Variants in LRIG1 observed in about 807,000 individuals in gnomAD.
LRIG1 encodes leucine-rich repeats and immunoglobulin-like domains protein 1.
In LRIG1, 48 loss-of-function variants were observed where a neutral mutation model predicts 99.2. That is an observed-to-expected ratio of 0.48 (90% CI 0.38 to 0.62). The LOEUF is 0.62. Ranked by LOEUF, LRIG1 falls within the 20% of genes least tolerant of loss-of-function variation. The pLI, the probability that LRIG1 is intolerant of heterozygous loss-of-function variation, is 0.00. For synonymous variants in LRIG1, 772 were observed against 596.1 expected (o/e 1.29, Z -4.30); for missense variants, 1,646 against 1,434.4 (o/e 1.15, Z -2.38).
At chr3:66,417,337 G>A in intron 3 of LRIG1, 71 bp from the exon 4 acceptor site, 1 of 1,480,152 alleles carries the variant, frequency 6.8e-7, no homozygotes, top group Non-Finnish European at 9.3e-7. Context: ...TAGTATTCCT[G>A]CACCCCACCC....
At chr3:66,389,242 AAAC>A (rs1701521208) in intron 12 of LRIG1, among the ~76,000 whole-genome samples, 1 of 152,222 alleles carries the variant, frequency 6.6e-6, no homozygotes, top group African/African-American at 2.4e-5. Flanking sequence ...TGTATTTAAA[AAAC>A]AGGGAATTAA....
intron 3 of LRIG1, among the ~76,000 whole-genome samples, chr3:66,426,482 C>T (rs979128170): frequency 1.3e-5 from 2 of 152,204 alleles, no homozygotes; most frequent in Non-Finnish European, 2.9e-5. Context: ...ATAAATCACT[C>T]TTTCTCTACC....
chr3:66,390,914 T>C (rs1031131307), intron 12 of LRIG1, among the ~76,000 whole-genome samples: 1 of 152,182 alleles, frequency 6.6e-6, no homozygotes, highest in African/African-American at 2.4e-5. Flanking sequence ...ACAACATGTA[T>C]CTTATGAAGG....
Position 66,380,234 on chromosome 3 carries a change from G to A in LRIG1, c.*29C>T, listed in dbSNP as rs185195965. 739 of 1,566,824 alleles carry A rather than the reference G, an allele frequency of 4.7e-4. 1 individual carries two copies. Among genetic ancestry groups the A allele is most frequent in the Non-Finnish European group, 6.2e-5 (71 of 1,146,962 alleles). On this transcript the variant is annotated 3_prime_UTR_variant, in exon 19 of 19. Coordinates refer to ENST00000273261, the MANE Select transcript of LRIG1 (RefSeq NM_015541.3). ...CCTACCTCTCTTTCCCGTAGAGATT[G>A]GTATGACAAGAACTGAGGTAGACAA...
chr3:66,397,811 G>C lies in LRIG1; in HGVS notation c.1304+301C>G, dbSNP rs144940258. On this transcript the variant is annotated intron_variant, in intron 11 of 18. Coordinates refer to ENST00000273261, the MANE Select transcript of LRIG1 (RefSeq NM_015541.3). ...GGGTGATTATCCACTTTATAGAGGA[G>C]AGTATATTTCACATTGCCTAGAATA... Among the ~76,000 whole-genome samples the C allele has an allele frequency of 9.2e-5, 14 of 152,364 alleles. No homozygotes were observed. The East Asian group carries it at 2.7e-3, about 29-fold the overall frequency.
intron 11 of LRIG1, among the ~76,000 whole-genome samples, chr3:66,397,610 T>C (rs1701904179): frequency 6.6e-6 from 1 of 152,172 alleles, no homozygotes; most frequent in South Asian, 2.1e-4. Flanking sequence ...CTGTGAACCG[T>C]GCCCAGAAAG....
chr3:66,422,221 T>C (rs1338043541), intron 3 of LRIG1, among the ~76,000 whole-genome samples: 1 of 152,250 alleles, frequency 6.6e-6, no homozygotes, highest in East Asian at 1.9e-4. Context: ...CCTCATTACT[T>C]ATGCAAATTC....
chr3:66,417,339 ACCCCACC>A, intron 3 of LRIG1, 73 bp from the exon 4 acceptor site: 1 of 1,461,944 alleles, frequency 6.8e-7, no homozygotes, highest in Non-Finnish European at 9.4e-7. Flanking sequence ...GTATTCCTGC[ACCCCACC>A]CCCCACCAAT....
Position 66,380,257 on chromosome 3 carries a change from C to T in LRIG1, c.*6G>A, listed in dbSNP as rs760319481. On this transcript the variant is annotated 3_prime_UTR_variant, in exon 19 of 19. Transcript: ENST00000273261. ...TTGGTATGACAAGAACTGAGGTAGA[C>T]AAAACCTAGCTTTTTGGTGCCAACA... 3.7e-6 allele frequency: 6 copies of T among 1,607,670 alleles called. No individual in the cohort carries two copies. Among genetic ancestry groups the T allele is most frequent in the Admixed American group, 3.4e-5 (2 of 59,546 alleles).
At chr3:66,458,219 G>A (rs142561572) in intron 2 of LRIG1, among the ~76,000 whole-genome samples, 467 of 152,248 alleles carry the variant, frequency 3.1e-3, no homozygotes, top group Non-Finnish European at 4.6e-3. Flanking sequence ...GGGCTCAAGC[G>A]ATCTTGAGGC....
At chr3:66,464,813 T>G (rs770359090) in intron 1 of LRIG1, among the ~76,000 whole-genome samples, 1 of 152,196 alleles carries the variant, frequency 6.6e-6, no homozygotes, top group Non-Finnish European at 1.5e-5. Context: ...ACCCTTGGGT[T>G]TGTCTTTCCC....
intron 1 of LRIG1, among the ~76,000 whole-genome samples, chr3:66,464,297 A>T (rs1300464316): frequency 6.6e-6 from 1 of 152,106 alleles, no homozygotes; most frequent in Non-Finnish European, 1.5e-5. Context: ...GAAACCACAA[A>T]GGCAAGAGCT....
intron 12 of LRIG1, among the ~76,000 whole-genome samples, chr3:66,392,289 C>A (rs188527783): frequency 6.6e-6 from 1 of 152,316 alleles, no homozygotes. Flanking sequence ...CATATACATT[C>A]ATTTCTCTTA....
intron 17 of LRIG1, chr3:66,381,083 A>G (rs919831866): frequency 1.8e-5 from 11 of 598,688 alleles, no homozygotes; most frequent in Admixed American, 3.0e-5. Flanking sequence ...AGTGAATTTC[A>G]TAGACAATGT....
At chr3:66,438,087 T>A (rs1703416989) in intron 3 of LRIG1, among the ~76,000 whole-genome samples, 1 of 152,044 alleles carries the variant, frequency 6.6e-6, no homozygotes, top group South Asian at 2.1e-4. Flanking sequence ...TGGGGAGGGA[T>A]GAGGGCTGCC....
At chr3:66,410,017 G>A in intron 7 of LRIG1, 112 bp downstream of exon 7, 15 of 1,184,388 alleles carry the variant, frequency 1.3e-5, no homozygotes, top group Non-Finnish European at 1.8e-5. Flanking sequence ...CTACTGGCCT[G>A]TCTCTGAGCC....
intron 3 of LRIG1, 85 bp from the exon 4 acceptor site, chr3:66,417,351 A>G: frequency 1.5e-6 from 2 of 1,342,212 alleles, no homozygotes; most frequent in Middle Eastern, 2.5e-4. Context: ...CCCACCCCCC[A>G]CCAATATAAC....
intron 1 of LRIG1, among the ~76,000 whole-genome samples, chr3:66,476,177 C>T (rs972964508): frequency 3.9e-5 from 6 of 152,160 alleles, no homozygotes; most frequent in Non-Finnish European, 7.3e-5. Context: ...TTTCCTCACT[C>T]GAAATGCGCA....
intron 3 of LRIG1, among the ~76,000 whole-genome samples, chr3:66,435,191 T>C (rs1703315056): frequency 6.6e-6 from 1 of 152,048 alleles, no homozygotes; most frequent in Non-Finnish European, 1.5e-5. Context: ...TCCCAAAAGG[T>C]TATCCATACT....
Sources: allele counts gnomAD v4.1 joint callset (sites outside exome capture counted in the v4.1 genomes callset), GRCh38; gene constraint gnomAD v4.1.1; transcripts MANE v1.5; gene names NCBI Gene and HGNC (gene_info 2026-07-23, HGNC 2026-07-21).